UNC80: variants seen among roughly 807,000 people sequenced by gnomAD.
UNC80 encodes unc-80 subunit of NALCN channel complex.
Under a neutral mutation model 384.6 loss-of-function variants are expected in UNC80, and 164 were observed. The observed-to-expected ratio is 0.43, with a 90% CI of 0.38 to 0.49. UNC80 has a LOEUF of 0.49. Among genes scored for constraint, UNC80 ranks in the 20% least tolerant of loss-of-function variants. The probability of loss-of-function intolerance (pLI) is 0.00; values close to 1 mark genes in which losing one functional copy is unlikely to be tolerated. For missense variants in UNC80, 3,330 were observed against 4,143.0 expected (o/e 0.80, Z 5.39); for synonymous variants, 1,486 against 1,527.8 (o/e 0.97, Z 0.64).
chr2:209,946,046 T>TGTTAG, intron 47 of UNC80, 103 bp downstream of exon 47: 1 of 857,194 alleles, frequency 1.2e-6, no homozygotes. Context: ...CAGACTAACA[T>TGTTAG]TCTGACAAGT....
At chr2:209,864,521 C>T (rs1453613504) in intron 22 of UNC80, among the ~76,000 whole-genome samples, 1 of 152,068 alleles carries the variant, frequency 6.6e-6, no homozygotes, top group Non-Finnish European at 1.5e-5. Flanking sequence ...GGTCTCAGGC[C>T]CAGGGGGATC....
chr2:209,818,536 G>A (rs1310534404), intron 11 of UNC80, among the ~76,000 whole-genome samples: 1 of 152,042 alleles, frequency 6.6e-6, no homozygotes, highest in African/African-American at 2.4e-5. Flanking sequence ...GGTATTCAAT[G>A]ATATCTGTTA....
rs958970046 is a variant in UNC80, at chr2:209,976,739, A to C, written c.8773-174A>C. Among the ~76,000 whole-genome samples, 1 of 152,174 alleles carries C rather than the reference A, an allele frequency of 6.6e-6. No homozygotes were observed. Among genetic ancestry groups the C allele is most frequent in the Non-Finnish European group, 1.5e-5 (1 of 68,018 alleles). On this transcript the variant is annotated intron_variant, in intron 57 of 64. Transcript: ENST00000673920. This position sits in a 1 kb window ranked among gnomAD's most constrained non-coding sequence, Gnocchi z 4.3. ...TGGTCTTTTCATGCCTCAGTTTCTT[A>C]GGGCAGTGATTTAAAACGATGTAAT...
intron 22 of UNC80, among the ~76,000 whole-genome samples, chr2:209,870,817 G>C (rs2084229858): frequency 6.6e-6 from 1 of 152,156 alleles, no homozygotes; most frequent in African/African-American, 2.4e-5. Flanking sequence ...AGCTCTGCCT[G>C]TCCAGGGAAG....
chr2:209,897,201 TA>T (rs995412612), intron 28 of UNC80, among the ~76,000 whole-genome samples: 1 of 152,110 alleles, frequency 6.6e-6, no homozygotes, highest in African/African-American at 2.4e-5. Flanking sequence ...AACTCTAACC[TA>T]CCCACTGAAA....
At chr2:209,921,476 G>T (rs888458880) in intron 33 of UNC80, 24 bp from the exon 34 acceptor site, 2 of 1,530,340 alleles carry the variant, frequency 1.3e-6, no homozygotes, top group South Asian at 1.2e-5. Context: ...GCTATTAAAT[G>T]AACTTGCCTT....
rs143913338 is a variant in UNC80 at position 209,870,079 on chromosome 2, G to C, written c.3628-2679G>C. 1.5e-3 allele frequency among the ~76,000 whole-genome samples: 226 copies of C among 152,212 alleles called. 1 individual carries two copies. The highest frequency in any genetic ancestry group is 5.1e-3 in the African/African-American group (213 of 41,540). On this transcript the variant is annotated intron_variant, in intron 22 of 64. Transcript: ENST00000673920. ...CCTCTCAGTTGCCATCTAACACTTA[G>C]AGGCAATAAAATGATCCTCTACCCC... is the stretch of plus-strand genomic sequence containing the variant.
intron 21 of UNC80, among the ~76,000 whole-genome samples, chr2:209,844,344 G>A (rs1215789823): frequency 6.6e-6 from 1 of 151,788 alleles, no homozygotes; most frequent in African/African-American, 2.4e-5. Flanking sequence ...TCTCACATTT[G>A]GTGAATATTT....
chr2:209,785,493 G>A (rs992627188), intron 4 of UNC80, among the ~76,000 whole-genome samples: 3 of 152,110 alleles, frequency 2.0e-5, no homozygotes, highest in African/African-American at 7.2e-5. Flanking sequence ...GGGCTGAGAG[G>A]GAAGGAGGAT....
chr2:209,982,275 T>C lies in UNC80; in HGVS notation c.9215T>C (p.Met3072Thr). The change falls in exon 60 of 65, where the codon ATG becomes ACG. Residue 3072 changes from methionine to threonine, a missense_variant. This residue lies in a region of UNC80 where 216 missense variants were observed against 245.3 expected (regional missense o/e 0.88). Coordinates refer to ENST00000673920, the MANE Select transcript of UNC80 (RefSeq NM_001371986.1). Reference sequence around the variant, plus strand: ...CGATTCTCCAGCCATGTCTCCAGCATGTCTGTACCTCAGGCTGAGGTGGGC... The same window carrying C: ...CGATTCTCCAGCCATGTCTCCAGCACGTCTGTACCTCAGGCTGAGGTGGGC... Reference protein sequence around the residue: ...RRRFSSHVSSMSVPQAEVGML... With the variant: ...RRRFSSHVSSTSVPQAEVGML... 1 of 1,551,666 alleles carries C rather than the reference T, an allele frequency of 6.4e-7. No individual in the cohort carries two copies. Among genetic ancestry groups the C allele is most frequent in the Non-Finnish European group, 8.7e-7 (1 of 1,146,970 alleles).
In UNC80 at chr2:209,799,877, G is replaced by C. The variant is rs2078427956; in HGVS notation, c.938+6018G>C. Among the ~76,000 whole-genome samples, 5 of 152,288 alleles carry C rather than the reference G, an allele frequency of 3.3e-5. No homozygotes were observed. In the South Asian group the frequency reaches 1.0e-3, roughly 32 times the overall value. ...GTTTATGTGATGAATTACGTTTATT[G>C]ATTTGCATATGTTGAACCAACCTTG... On this transcript the variant is annotated intron_variant, in intron 7 of 64. Transcript: ENST00000673920.
rs756716727 is a variant in UNC80, at chr2:209,994,066, G to A, written c.9510G>A (p.Ala3170=). 70 of 1,548,684 alleles carry A rather than the reference G, an allele frequency of 4.5e-5. No homozygotes were observed. Among genetic ancestry groups the A allele is most frequent in the East Asian group, 7.3e-5 (3 of 40,834 alleles). ...RSIQPKTKPS[A]DQKRSVTFIE... ...TTACTGTTTCACCTCTACCTGCAGCGGATCAGAAACGATCTGTGACCTTCA... is the reference window on the plus strand; with the variant it reads ...TTACTGTTTCACCTCTACCTGCAGCAGATCAGAAACGATCTGTGACCTTCA... The change falls in exon 64 of 65, where the codon GCG becomes GCA. Residue 3170 remains alanine (A), a splice_region_variant and synonymous_variant. Coordinates refer to ENST00000673920, the MANE Select transcript of UNC80 (RefSeq NM_001371986.1).
At chr2:209,939,227 C>G (rs990660384) in intron 42 of UNC80, among the ~76,000 whole-genome samples, 2 of 152,110 alleles carry the variant, frequency 1.3e-5, no homozygotes, top group Non-Finnish European at 2.9e-5. Context: ...CCTCTCCAGC[C>G]TAAAACTCCA....
chr2:209,844,602 C>T (rs946460718), intron 21 of UNC80, among the ~76,000 whole-genome samples: 3 of 143,450 alleles, frequency 2.1e-5, no homozygotes, highest in African/African-American at 7.8e-5. Context: ...TTCCTTCTTT[C>T]TTTTTGAGAC....
chr2:209,920,156 C>T (rs1430267805), intron 33 of UNC80, among the ~76,000 whole-genome samples: 3 of 151,810 alleles, frequency 2.0e-5, no homozygotes, highest in East Asian at 3.9e-4. Context: ...GTGACAAGAG[C>T]GAAACTCCAT....
chr2:209,972,163 G>T, intron 54 of UNC80, 38 bp from the exon 55 acceptor site: 1 of 1,544,204 alleles, frequency 6.5e-7, no homozygotes, highest in Non-Finnish European at 8.8e-7. Context: ...AATGGGTGTG[G>T]TGGTCAATTA....
At chr2:209,883,744 A>G (rs954598522) in intron 25 of UNC80, among the ~76,000 whole-genome samples, 4 of 151,936 alleles carry the variant, frequency 2.6e-5, no homozygotes, top group African/African-American at 9.7e-5. Flanking sequence ...CCACTCTTTG[A>G]TTCTATAAAT....
rs143838455 is a variant in UNC80, at chr2:209,896,377, G to C, written c.4545G>C (p.Ala1515=). Residue 1515 remains alanine (A), a synonymous_variant, in exon 28 of 65, where the codon GCG becomes GCC. Coordinates refer to ENST00000673920, the MANE Select transcript of UNC80 (RefSeq NM_001371986.1). ...IEPEGMSNAG[A]EENYHRNMSW... The stretch of plus-strand genomic sequence containing the variant: ...CAGAGGGAATGAGTAATGCCGGCGC[G>C]GAGGAGAATTACCACAGAAACATGT... The C allele has an allele frequency of 5.2e-6, 8 of 1,551,574 alleles. 1 individual carries two copies. The East Asian group carries it at 1.5e-4, about 28-fold the overall frequency.
intron 22 of UNC80, among the ~76,000 whole-genome samples, chr2:209,855,523 G>GA (rs2082843904): frequency 6.6e-6 from 1 of 151,914 alleles, no homozygotes. Context: ...AGAATTTAAA[G>GA]AAAAAAATCT....
Sources: gnomAD v4.1 joint callset for allele counts (sites outside exome capture counted in the v4.1 genomes callset) on GRCh38, gnomAD v4.1.1 for gene constraint, gnomAD v4.1.1 regional missense constraint, Gnocchi (gnomAD v3.1) non-coding constraint, MANE v1.5 for transcripts, NCBI Gene and HGNC (gene_info 2026-07-23, HGNC 2026-07-21) for gene names.